Variants in SGPL1 observed in about 807,000 individuals in gnomAD.
SGPL1 encodes sphingosine-1-phosphate lyase 1.
A neutral mutation model predicts 68.9 loss-of-function variants in SGPL1; 37 were observed. That is an observed-to-expected ratio of 0.54 (90% CI 0.41 to 0.71). SGPL1 has a LOEUF of 0.71. SGPL1 is among the 30% of genes least tolerant of loss of function. The pLI, the probability that SGPL1 is intolerant of heterozygous loss-of-function variation, is 0.00. For missense variants in SGPL1, 551 were observed against 704.6 expected (o/e 0.78, Z 2.47); for synonymous variants, 236 against 248.5 (o/e 0.95, Z 0.47).
At chr10:70,838,679 C>T (rs1845667791) in intron 2 of SGPL1, among the ~76,000 whole-genome samples, 1 of 152,186 alleles carries the variant, frequency 6.6e-6, no homozygotes. Context: ...CTCTGAAGCA[C>T]TGCTTTTGAA....
chr10:70,857,475 C>T, intron 5 of SGPL1, 139 bp from the exon 6 acceptor site: 3 of 637,514 alleles, frequency 4.7e-6, no homozygotes, highest in Admixed American at 2.6e-5. Flanking sequence ...TCTTGATTTG[C>T]TATAAGAATG....
chr10:70,871,231 C>A, intron 10 of SGPL1, 85 bp downstream of exon 10: 1 of 907,948 alleles, frequency 1.1e-6, no homozygotes, highest in Middle Eastern at 2.3e-4. Context: ...CAAATAGAAG[C>A]GATTTTTTTT....
intron 1 of SGPL1, 54 bp from the exon 2 acceptor site, chr10:70,816,757 C>A: frequency 8.0e-7 from 1 of 1,247,840 alleles, no homozygotes; most frequent in Non-Finnish European, 1.2e-6. Context: ...TCTAGGCGGG[C>A]TGGCGAGACA....
At position 70,877,196 on chromosome 10, in the gene SGPL1, G is replaced by A. The variant is rs1445533678; in HGVS notation, c.1568G>A (p.Gly523Asp). The A allele has an allele frequency of 1.2e-6, 2 of 1,613,990 alleles. No individual in the cohort carries two copies. Among genetic ancestry groups the A allele is most frequent in the African/African-American group, 2.7e-5 (2 of 74,916 alleles). Residue 523 changes from glycine to aspartate, a missense_variant and splice_region_variant, in exon 15 of 15, where the codon GGT (glycine) becomes GAT (aspartate). Transcript: ENST00000373202. ...ATGTCTCTTTCTTTGGATTTGTAGGGTGCCATCTATGGCATGGCCCAGACA... is the reference window on the plus strand; with the variant it reads ...ATGTCTCTTTCTTTGGATTTGTAGGATGCCATCTATGGCATGGCCCAGACA... ...KNPKAKTTGM[G>D]AIYGMAQTTV...
intron 2 of SGPL1, among the ~76,000 whole-genome samples, chr10:70,836,513 TC>T (rs1845630014): frequency 6.6e-6 from 1 of 152,086 alleles, no homozygotes; most frequent in Non-Finnish European, 1.5e-5. Flanking sequence ...TTTTTCCCCT[TC>T]CTTTCCTTTT....
intron 8 of SGPL1, chr10:70,869,539 A>C (rs962746985): frequency 9.6e-6 from 3 of 312,718 alleles, no homozygotes; most frequent in South Asian, 8.8e-5. Flanking sequence ...TGGATCCCTC[A>C]CTGTGGGATC....
At chr10:70,863,054 A>C (rs1400178885) in intron 7 of SGPL1, among the ~76,000 whole-genome samples, 1 of 152,106 alleles carries the variant, frequency 6.6e-6, no homozygotes, top group Non-Finnish European at 1.5e-5. Flanking sequence ...GTGCCATCTC[A>C]GCTCACTGCA....
chr10:70,868,825 T>A (rs1846240919), intron 8 of SGPL1, among the ~76,000 whole-genome samples: 1 of 152,206 alleles, frequency 6.6e-6, no homozygotes, highest in East Asian at 1.9e-4. Context: ...TTACTTAATA[T>A]TATAGGCTGC....
chr10:70,876,790 A>C (rs1011886448), intron 14 of SGPL1, 129 bp downstream of exon 14: 6 of 831,272 alleles, frequency 7.2e-6, no homozygotes, highest in Non-Finnish European at 1.1e-5. Context: ...TTATTTGTTG[A>C]CTGGAGCTGA....
chr10:70,869,186 G>A (rs915915403), intron 8 of SGPL1: 2 of 152,236 alleles, frequency 1.3e-5, no homozygotes, highest in Admixed American at 6.5e-5. Flanking sequence ...GAACAGATTC[G>A]TTGTATGAAT....
rs144317723 is a variant in SGPL1, at chr10:70,854,573, A to G, written c.262-135A>G. 9 of 710,818 alleles carry G rather than the reference A, an allele frequency of 1.3e-5. 1 individual carries two copies. Among genetic ancestry groups the G allele is most frequent in the African/African-American group, 1.2e-4 (7 of 56,198 alleles). The allele number at this position is 710,818 out of a possible 1,614,324, so 44.0% of individuals were successfully genotyped here. A position where few individuals can be genotyped will look rare whatever the true frequency, so the allele number is the denominator to read the frequency against. On this transcript the variant is annotated intron_variant, in intron 4 of 14. Transcript: ENST00000373202. ...AGCTGATCAGTCAGAATATCACCATATATCTTTAGGAAAAATGTTAGTTTA... is the reference window on the plus strand; with the variant it reads ...AGCTGATCAGTCAGAATATCACCATGTATCTTTAGGAAAAATGTTAGTTTA...
chr10:70,827,078 A>G (rs916593044), intron 2 of SGPL1, among the ~76,000 whole-genome samples: 2 of 152,350 alleles, frequency 1.3e-5, no homozygotes, highest in East Asian at 1.9e-4. Context: ...AAAGGCATAC[A>G]TGCCTAACTT....
At chr10:70,845,793 G>A (rs10999565) in intron 3 of SGPL1, among the ~76,000 whole-genome samples, 14,697 of 152,014 alleles carry the variant, frequency 0.097, 1,019 homozygotes, top group East Asian at 0.27. Context: ...GTAGGGTATG[G>A]GAGTTAACTT....
intron 2 of SGPL1, among the ~76,000 whole-genome samples, chr10:70,832,766 A>AT (rs1554836185): frequency 6.6e-6 from 1 of 152,044 alleles, no homozygotes; most frequent in Non-Finnish European, 1.5e-5. Flanking sequence ...AAATTTGCAT[A>AT]TTTTTCCCCC....
At chr10:70,833,353 G>A (rs1301530845) in intron 2 of SGPL1, among the ~76,000 whole-genome samples, 1 of 152,184 alleles carries the variant, frequency 6.6e-6, no homozygotes, top group African/African-American at 2.4e-5. Context: ...GAATTTTGGG[G>A]GAAGTATGTG....
chr10:70,864,061 A>G (rs545103851), intron 7 of SGPL1, among the ~76,000 whole-genome samples: 33 of 138,116 alleles, frequency 2.4e-4, no homozygotes, highest in Non-Finnish European at 4.6e-4. Context: ...TAGGTTAGTG[A>G]TAGGTTTAAA....
intron 3 of SGPL1, among the ~76,000 whole-genome samples, chr10:70,846,809 T>C (rs938321230): frequency 2.0e-5 from 3 of 152,386 alleles, no homozygotes; most frequent in African/African-American, 7.2e-5. Context: ...ATATTTATCA[T>C]GTACAACATA....
chr10:70,851,423 A>T (rs997126596), intron 4 of SGPL1, among the ~76,000 whole-genome samples: 6 of 145,066 alleles, frequency 4.1e-5, no homozygotes, highest in Admixed American at 2.0e-4. Context: ...AAATGCTGCT[A>T]AACACTAAAC....
intron 7 of SGPL1, among the ~76,000 whole-genome samples, chr10:70,867,050 A>G (rs1822307213): frequency 6.6e-6 from 1 of 152,242 alleles, no homozygotes; most frequent in African/African-American, 2.4e-5. Flanking sequence ...TAATTCCTCA[A>G]GGGCTCAGTT....
Sources: allele counts gnomAD v4.1 joint callset (sites outside exome capture counted in the v4.1 genomes callset), GRCh38; gene constraint gnomAD v4.1.1; transcripts MANE v1.5; gene names NCBI Gene and HGNC (gene_info 2026-07-23, HGNC 2026-07-21).